The following ANXA11 variants were observed in gnomAD, a reference collection of about 807,000 sequenced individuals.
The protein encoded by ANXA11 is annexin A11.
A neutral mutation model predicts 64.7 loss-of-function variants in ANXA11; 57 were observed. The observed-to-expected ratio is 0.88, with a 90% CI of 0.71 to 1.10. The LOEUF (loss-of-function observed/expected upper bound fraction) is 1.10. ANXA11 is among the 50% of genes least tolerant of loss of function. The probability of loss-of-function intolerance (pLI) is 0.00; values close to 1 mark genes in which losing one functional copy is unlikely to be tolerated. For missense variants in ANXA11, 675 were observed against 670.7 expected (o/e 1.01, Z -0.07); for synonymous variants, 260 against 265.2 (o/e 0.98, Z 0.19).
At chr10:80,184,030 C>T (rs1846448270) in intron 1 of ANXA11, among the ~76,000 whole-genome samples, 1 of 152,132 alleles carries the variant, frequency 6.6e-6, no homozygotes, top group South Asian at 2.1e-4. Context: ...ACTTTTTTCA[C>T]AAAGTTTTGT....
At position 80,152,902 on chromosome 10, in the gene ANXA11, C is replaced by T. The variant is rs888381484; in HGVS notation, c.*2951G>A. 2.6e-5 allele frequency: 4 copies of T among 152,270 alleles called. No homozygotes were observed. Among genetic ancestry groups the T allele is most frequent in the African/African-American group, 4.8e-5 (2 of 41,460 alleles). The allele number at this position is 152,270 out of a possible 1,614,324, so 9.4% of individuals were successfully genotyped here. ...TCTCTCTGGGTGCTAGTGCACACCA[C>T]GTGGAGCCATGCCCATCCGAGCCCA... On this transcript the variant is annotated 3_prime_UTR_variant, in exon 16 of 16. Transcript: ENST00000422982.
chr10:80,165,158 C>T lies in ANXA11; in HGVS notation c.858+926G>A, dbSNP rs142406384. Among the ~76,000 whole-genome samples the T allele has an allele frequency of 1.4e-3, 215 of 152,328 alleles. 6 individuals carry two copies. The East Asian group carries it at 0.037, about 26-fold the overall frequency. ...GCCCTGCCTGATGGCCTCCTGACCCCCTCCCTAGAATAACACATGTAGATG... is the reference window on the plus strand; with the variant it reads ...GCCCTGCCTGATGGCCTCCTGACCCTCTCCCTAGAATAACACATGTAGATG... On this transcript the variant is annotated intron_variant, in intron 8 of 15. Transcript: ENST00000422982.
chr10:80,176,837 C>T (rs945591224), intron 1 of ANXA11, among the ~76,000 whole-genome samples: 3 of 152,174 alleles, frequency 2.0e-5, no homozygotes, highest in Admixed American at 1.3e-4. Context: ...CAGGGCAGGT[C>T]GACCCCACTG....
chr10:80,188,575 C>T (rs987621506), intron 1 of ANXA11, among the ~76,000 whole-genome samples: 1 of 149,040 alleles, frequency 6.7e-6, no homozygotes, highest in African/African-American at 2.5e-5. Flanking sequence ...CCCTAGGAGG[C>T]ATTAGCCTGG....
At chr10:80,175,239 T>C (rs12763392) in intron 2 of ANXA11, among the ~76,000 whole-genome samples, 19,563 of 152,126 alleles carry the variant, frequency 0.13, 1,393 homozygotes, top group South Asian at 0.24. Context: ...GAGGAGGTAA[T>C]CTGGGGGATG....
chr10:80,163,205 A>T, intron 11 of ANXA11, 144 bp downstream of exon 11: 1 of 857,502 alleles, frequency 1.2e-6, no homozygotes, highest in Non-Finnish European at 1.9e-6. Context: ...ACAGTTGAAC[A>T]GTTCAGCGCG....
At chr10:80,160,927 G>C (rs77634968) in intron 12 of ANXA11, among the ~76,000 whole-genome samples, 7 of 151,968 alleles carry the variant, frequency 4.6e-5, no homozygotes, top group Non-Finnish European at 1.0e-4. Context: ...CACACGTCAC[G>C]TGTCCAATTC....
rs144630473 is a variant in ANXA11, at chr10:80,163,183, GT to G, written c.1086+165del. Among the ~76,000 whole-genome samples the G allele has an allele frequency of 0.029, 4,438 of 152,234 alleles. 205 individuals are homozygous for G. Among genetic ancestry groups the G allele is most frequent in the African/African-American group, 0.1 (4,181 of 41,500 alleles). On this transcript the variant is annotated intron_variant, in intron 11 of 15. Transcript: ENST00000422982. The stretch of plus-strand genomic sequence containing the variant: ...TGAAGCCCTGGAGGTCAGATTACCT[GT>G]TCTAGGTCATACAGTTGAACAGTTC...
Position 80,188,016 on chromosome 10 carries a change from G to A in ANXA11, c.-57-11861C>T, listed in dbSNP as rs538604561. On this transcript the variant is annotated intron_variant, in intron 1 of 15. Transcript: ENST00000422982. ...CTCTAAACCCTTCCCTCATTTTGCA[G>A]TGGGAGGTAAAGGGAAGCTCTGCAG... Among the ~76,000 whole-genome samples the A allele has an allele frequency of 5.9e-5, 9 of 152,196 alleles. No homozygotes were observed. In the South Asian group the frequency reaches 1.7e-3, roughly 28 times the overall value.
At chr10:80,199,921 G>C (rs1212247142) in intron 1 of ANXA11, among the ~76,000 whole-genome samples, 1 of 152,156 alleles carries the variant, frequency 6.6e-6, no homozygotes, top group East Asian at 1.9e-4. Flanking sequence ...TTATGACTTG[G>C]GGCCCGCGTC....
At chr10:80,167,134 T>G (rs1159174728) in intron 6 of ANXA11, 92 bp downstream of exon 6, 1 of 1,384,912 alleles carries the variant, frequency 7.2e-7, no homozygotes, top group Non-Finnish European at 1.0e-6. Flanking sequence ...CAGGTCAGCG[T>G]CCCCCAGCTA....
chr10:80,173,072 T>C lies in ANXA11; in HGVS notation c.-8-203A>G, dbSNP rs1216079754. On this transcript the variant is annotated intron_variant, in intron 2 of 15. Coordinates refer to ENST00000422982, the MANE Select transcript of ANXA11 (RefSeq NM_145868.2). ...AAACAGTACCCACCAGCATGCTGCC[T>C]GACTTCTGGGCCAGGGCCACACCCC... The C allele has an allele frequency of 2.9e-5, 16 of 547,784 alleles. 1 individual carries two copies. The highest frequency in any genetic ancestry group is 6.5e-6 in the Non-Finnish European group (2 of 308,442). The allele number at this position is 547,784 out of a possible 1,614,324, so 33.9% of individuals were successfully genotyped here.
chr10:80,167,010 G>A (rs372151719), intron 6 of ANXA11, 26 bp from the exon 7 acceptor site: 16 of 1,520,476 alleles, frequency 1.1e-5, no homozygotes, highest in Non-Finnish European at 1.4e-5. Flanking sequence ...GCAGGGGTGG[G>A]TCGGGTAGGG....
At chr10:80,204,661 A>G (rs973850708) in intron 1 of ANXA11, among the ~76,000 whole-genome samples, 1 of 152,164 alleles carries the variant, frequency 6.6e-6, no homozygotes, top group African/African-American at 2.4e-5. Context: ...TTAAACCAAC[A>G]GACCATTTTA....
At chr10:80,187,808 C>T (rs1177049389) in intron 1 of ANXA11, among the ~76,000 whole-genome samples, 1 of 152,114 alleles carries the variant, frequency 6.6e-6, no homozygotes. Context: ...CCCAGGGTGG[C>T]TGAGGCTTCC....
intron 1 of ANXA11, among the ~76,000 whole-genome samples, chr10:80,184,480 C>T (rs960374775): frequency 6.6e-6 from 1 of 152,108 alleles, no homozygotes; most frequent in Non-Finnish European, 1.5e-5. Flanking sequence ...GTAACCCCAT[C>T]ATAAAGTTGA....
At chr10:80,198,877 A>C (rs1167042533) in intron 1 of ANXA11, among the ~76,000 whole-genome samples, 1 of 152,162 alleles carries the variant, frequency 6.6e-6, no homozygotes. Flanking sequence ...CAGGAAAGGA[A>C]TGCATGCAAG....
intron 3 of ANXA11, among the ~76,000 whole-genome samples, chr10:80,172,531 G>A (rs1035678272): frequency 1.3e-5 from 2 of 152,172 alleles, no homozygotes; most frequent in Non-Finnish European, 2.9e-5. Context: ...TTTGCCCACT[G>A]TTACTAGAGA....
rs1479202585 is a variant in ANXA11, at chr10:80,157,659, C to T, written c.1440G>A (p.Ser480=). 5 of 1,613,606 alleles carry T rather than the reference C, an allele frequency of 3.1e-6. No homozygotes were observed. The highest frequency in any genetic ancestry group is 2.2e-5 in the East Asian group (1 of 44,846). The stretch of plus-strand genomic sequence containing the variant: ...CCCGTACCGAGATGTCGTGGTACAG[C>T]GACTTGCCGTACATCCGCTTATACT... ...RSEYKRMYGK[S]LYHDISGDTS... The change falls in exon 15 of 16, where the codon TCG becomes TCA. Residue 480 remains serine (S), a synonymous_variant. Coordinates refer to ENST00000422982, the MANE Select transcript of ANXA11 (RefSeq NM_145868.2).
Sources: allele counts gnomAD v4.1 joint callset (sites outside exome capture counted in the v4.1 genomes callset), GRCh38; gene constraint gnomAD v4.1.1; transcripts MANE v1.5; gene names NCBI Gene and HGNC (gene_info 2026-07-23, HGNC 2026-07-21).